CUX1: variants seen among roughly 807,000 people sequenced by gnomAD.
CUX1 encodes the protein cut like homeobox 1.
Under a neutral mutation model 158.8 loss-of-function variants are expected in CUX1, and 31 were observed. The observed-to-expected ratio is 0.20, with a 90% CI of 0.15 to 0.26. The LOEUF is 0.26. CUX1 is among the 10% of genes least tolerant of loss of function. CUX1 has a pLI of 1.00. For missense variants in CUX1, 1,589 were observed against 2,014.6 expected, an observed-to-expected ratio of 0.79 and a Z score of 4.04; for synonymous variants, 879 against 862.1, an observed-to-expected ratio of 1.02 and a Z score of -0.34.
At chr7:102,009,291 C>T (rs538900997) in intron 2 of CUX1, among the ~76,000 whole-genome samples, 46 of 152,304 alleles carry the variant, frequency 3.0e-4, no homozygotes, top group African/African-American at 1.1e-3. Flanking sequence ...TGTCATGACG[C>T]TGACCGCACA....
chr7:102,017,791 A>G (rs1239106819), intron 2 of CUX1, among the ~76,000 whole-genome samples: 6 of 151,680 alleles, frequency 4.0e-5, no homozygotes, highest in Admixed American at 2.6e-4. Context: ...AGGTTGCAGT[A>G]AGCCAAGATC....
rs1052788816 is a variant in CUX1 at position 102,164,467 on chromosome 7, A to G, written c.723+5859A>G. ...CCCACAGTGGGGCTGGGAGGGAGTC[A>G]TTGAAGTGAGCTGCCCTCTTCCTGT... On this transcript the variant is annotated intron_variant, in intron 9 of 23. Coordinates refer to ENST00000292535, the MANE Select transcript of CUX1 (RefSeq NM_181552.4). Among the ~76,000 whole-genome samples, 3 of 152,174 alleles carry G rather than the reference A, an allele frequency of 2.0e-5. No homozygotes were observed. The East Asian group carries it at 5.8e-4, about 29-fold the overall frequency.
At chr7:101,961,616 C>G (rs967966618) in intron 2 of CUX1, 2 of 129,152 alleles carry the variant, frequency 1.5e-5, no homozygotes, top group African/African-American at 6.1e-5. Context: ...CGCGGTGGCT[C>G]AAGCCTGTAA....
At chr7:102,020,881 G>GAA (rs398067126) in intron 2 of CUX1, among the ~76,000 whole-genome samples, 25 of 130,560 alleles carry the variant, frequency 1.9e-4, no homozygotes, top group Admixed American at 3.1e-4. Context: ...ACTCGGTTTG[G>GAA]AAAAAAAAAA....
Position 102,137,250 on chromosome 7 carries a change from A to G in CUX1, c.675-21310A>G, listed in dbSNP as rs541159523. The stretch of plus-strand genomic sequence containing the variant: ...AACTGTGACCTGGTTTTTAGATGCC[A>G]TGGGATCAAAGCCCCGCAACTGTGT... On this transcript the variant is annotated intron_variant, in intron 8 of 23. Transcript: ENST00000292535. Among the ~76,000 whole-genome samples the G allele has an allele frequency of 1.7e-4, 26 of 152,332 alleles. 2 individuals carry two copies. In the South Asian group the frequency reaches 4.6e-3, roughly 27 times the overall value.
intron 1 of CUX1, among the ~76,000 whole-genome samples, chr7:101,879,948 C>CA (rs1799546346): frequency 6.6e-6 from 1 of 152,174 alleles, no homozygotes; most frequent in Admixed American, 6.5e-5. Context: ...TGGGTGGCGA[C>CA]AAACTGGAGT....
chr7:102,230,793 C>T (rs73712440), intron 21 of CUX1, among the ~76,000 whole-genome samples: 4,118 of 152,204 alleles, frequency 0.027, 199 homozygotes, highest in African/African-American at 0.094. Flanking sequence ...CTTCATAGCT[C>T]GTCACACATC....
intron 2 of CUX1, among the ~76,000 whole-genome samples, chr7:101,937,912 A>T (rs111471459): frequency 4.6e-5 from 7 of 152,330 alleles, no homozygotes; most frequent in Admixed American, 2.0e-4. Context: ...TTATAAATCA[A>T]AGTAGACAGT....
In CUX1 at chr7:102,256,631, C is replaced by T. The variant is rs1217129207; in HGVS notation, c.*7589C>T. ...GTTTATGAACAAAAAAATTTACCAA[C>T]GTGTGAGGGAGTTGCTGAGTTGAAG... On this transcript the variant is annotated 3_prime_UTR_variant, in exon 24 of 24. Transcript: ENST00000292535. The T allele has an allele frequency of 5.1e-6, 5 of 985,278 alleles. No homozygotes were observed. The highest frequency in any genetic ancestry group is 6.0e-6 in the Non-Finnish European group (5 of 829,944). The allele number at this position is 985,278 out of a possible 1,614,324, so 61.0% of individuals were successfully genotyped here.
Position 102,250,680 on chromosome 7 carries a change from A to T in CUX1, c.*1638A>T. 2.0e-6 allele frequency: 2 copies of T among 985,306 alleles called. No homozygotes were observed. Among genetic ancestry groups the T allele is most frequent in the Non-Finnish European group, 2.4e-6 (2 of 829,908 alleles). The allele number at this position is 985,306 out of a possible 1,614,324, so 61.0% of individuals were successfully genotyped here. ...TTTCGCCTCTTAGTTCTTTTTATGC[A>T]CAGTTTTAGGGCAGTCTAAGTACAA... On this transcript the variant is annotated 3_prime_UTR_variant, in exon 24 of 24. Transcript: ENST00000292535.
intron 3 of CUX1, among the ~76,000 whole-genome samples, chr7:102,050,594 G>A (rs1823376704): frequency 6.6e-6 from 1 of 152,098 alleles, no homozygotes; most frequent in South Asian, 2.1e-4. Context: ...ACCTGCGTAT[G>A]CCCCATTTCG....
At chr7:102,083,004 A>G (rs957433525) in intron 4 of CUX1, among the ~76,000 whole-genome samples, 9 of 147,184 alleles carry the variant, frequency 6.1e-5, no homozygotes, top group Non-Finnish European at 1.2e-4. Context: ...CCTGATAAGA[A>G]ATGCCAAGCT....
intron 9 of CUX1, among the ~76,000 whole-genome samples, chr7:102,166,345 G>A (rs1365643571): frequency 2.0e-5 from 3 of 152,146 alleles, no homozygotes; most frequent in Non-Finnish European, 4.4e-5. Flanking sequence ...GCTTGGCGAG[G>A]GGCCGTTCTC....
intron 2 of CUX1, among the ~76,000 whole-genome samples, chr7:102,002,374 G>C (rs573966340): frequency 6.6e-6 from 1 of 152,348 alleles, no homozygotes; most frequent in African/African-American, 2.4e-5. Flanking sequence ...TTCTGGGCAA[G>C]GGGAGAGGAA....
At chr7:102,057,974 C>T (rs968859009) in intron 3 of CUX1, among the ~76,000 whole-genome samples, 1 of 152,008 alleles carries the variant, frequency 6.6e-6, no homozygotes, top group African/African-American at 2.4e-5. Flanking sequence ...TTCATTGTTG[C>T]CTTAACAAAT....
intron 20 of CUX1, among the ~76,000 whole-genome samples, chr7:102,219,092 A>ACACACACACACACACG (rs1473719939): frequency 1.3e-5 from 2 of 150,916 alleles, no homozygotes; most frequent in African/African-American, 4.9e-5. Context: ...ACACACACAC[A>ACACACACACACACACG]CACTATGGCT....
intron 1 of CUX1, among the ~76,000 whole-genome samples, chr7:101,877,756 TTGTGTGTGTGTGTGTGTGTG>T (rs112494807): frequency 4.0e-5 from 6 of 148,830 alleles, no homozygotes; most frequent in African/African-American, 7.4e-5. Context: ...ATCCCTCCAA[TTGTGTGTGTGTGTGTGTGTG>T]TGTGTGTGTG....
intron 6 of CUX1, among the ~76,000 whole-genome samples, chr7:102,104,896 A>G (rs201483): frequency 0.47 from 71,350 of 151,988 alleles, 17,233 homozygotes; most frequent in Middle Eastern, 0.54. Context: ...CATCTCCAAA[A>G]AAAGATATTC....
At chr7:101,944,710 ATTCTGT>A (rs1808171473) in intron 2 of CUX1, among the ~76,000 whole-genome samples, 2 of 152,014 alleles carry the variant, frequency 1.3e-5, no homozygotes, top group Admixed American at 6.6e-5. Context: ...TTCATGGGTG[ATTCTGT>A]TTCTGTTTTT....
Sources: gnomAD v4.1 joint callset for allele counts (sites outside exome capture counted in the v4.1 genomes callset) on GRCh38, gnomAD v4.1.1 for gene constraint, MANE v1.5 for transcripts, NCBI Gene and HGNC (gene_info 2026-07-23, HGNC 2026-07-21) for gene names.